DIAPH2: variants seen among roughly 807,000 people sequenced by gnomAD.
DIAPH2 encodes protein diaphanous homolog 2.
DIAPH2 carries 35 observed loss-of-function variants against 92.7 expected under a neutral mutation model. That is an observed-to-expected ratio of 0.38 (90% confidence interval 0.29 to 0.50). The LOEUF (loss-of-function observed/expected upper bound fraction) is 0.50. DIAPH2 is among the 20% of genes least tolerant of loss of function. DIAPH2 has a pLI of 0.94. For synonymous variants in DIAPH2, 301 were observed against 280.4 expected (o/e 1.07, Z -0.73); for missense variants, 701 against 819.5 (o/e 0.86, Z 1.77).
chrX:97,099,488 C>T (rs2066892215), intron 19 of DIAPH2, among the ~76,000 whole-genome samples: 1 of 111,321 alleles, frequency 9.0e-6, no homozygotes, highest in South Asian at 3.7e-4. Context: ...AAAAACCAAA[C>T]AAGTTTATAC....
chrX:97,282,325 G>T (rs769764169), intron 23 of DIAPH2, among the ~76,000 whole-genome samples: 5 of 111,438 alleles, frequency 4.5e-5, no homozygotes, highest in Non-Finnish European at 7.5e-5. Flanking sequence ...ACGGAGTTTC[G>T]CACTGTCGCT....
chrX:97,134,286 A>T (rs910836089), intron 21 of DIAPH2, among the ~76,000 whole-genome samples: 26 of 111,746 alleles, frequency 2.3e-4, no homozygotes, highest in African/African-American at 6.5e-4. Flanking sequence ...CACTTAGAGC[A>T]ATTCTGTCCT....
At chrX:97,440,848 G>C (rs756119374) in intron 26 of DIAPH2, among the ~76,000 whole-genome samples, 2 of 110,360 alleles carry the variant, frequency 1.8e-5, no homozygotes, top group South Asian at 3.9e-4. Flanking sequence ...GGGTAGGAGG[G>C]GGGTGAGAGA....
chrX:96,994,272 C>T (rs2066090448), intron 17 of DIAPH2, among the ~76,000 whole-genome samples: 1 of 111,637 alleles, frequency 9.0e-6, no homozygotes, highest in Non-Finnish European at 1.9e-5. Flanking sequence ...ACATATTAAA[C>T]TTGGGGAAGT....
intron 24 of DIAPH2, among the ~76,000 whole-genome samples, chrX:97,355,006 C>A (rs2069251929): frequency 8.9e-6 from 1 of 112,306 alleles, no homozygotes; most frequent in Admixed American, 9.4e-5. Flanking sequence ...CCACTGAGTT[C>A]ACTCTTACGT....
intron 23 of DIAPH2, among the ~76,000 whole-genome samples, chrX:97,278,649 G>C (rs1274029234): frequency 8.0e-5 from 9 of 112,088 alleles, no homozygotes; most frequent in Non-Finnish European, 1.3e-4. Flanking sequence ...GAGGCTTGAT[G>C]GTTCATTGCT....
At chrX:97,576,542 G>T (rs1447182405) in intron 26 of DIAPH2, among the ~76,000 whole-genome samples, 4 of 111,319 alleles carry the variant, frequency 3.6e-5, no homozygotes, top group Non-Finnish European at 7.5e-5. Flanking sequence ...AGTGTCATGT[G>T]CTACAGAGAG....
chrX:97,285,886 T>C (rs2068537865), intron 23 of DIAPH2, among the ~76,000 whole-genome samples: 1 of 108,551 alleles, frequency 9.2e-6, no homozygotes, highest in Admixed American at 9.9e-5. Flanking sequence ...CGTGAGCCAC[T>C]GTGCCCAGCC....
At chrX:97,304,236 A>T (rs185850211) in intron 23 of DIAPH2, among the ~76,000 whole-genome samples, 410 of 112,291 alleles carry the variant, frequency 3.7e-3, no homozygotes, top group Non-Finnish European at 5.6e-3. Flanking sequence ...AGATCATGTC[A>T]TCCAGTTATA....
In DIAPH2 at chrX:96,884,057, G is replaced by T. The variant is rs1294993120; in HGVS notation, c.587+2339G>T. On this transcript the variant is annotated intron_variant, in intron 5 of 26. Transcript: ENST00000324765. The stretch of plus-strand genomic sequence containing the variant: ...AATGTAGCAACCACTGACACACAGG[G>T]AAGGATTATGCGATCAGGTGAGAAG... 2.0e-4 allele frequency: 65 copies of T among 325,448 alleles called. 1 individual carries two copies. The highest frequency in any genetic ancestry group is 3.1e-4 in the Non-Finnish European group (59 of 188,070). The allele number at this position is 325,448 out of a possible 1,213,427, so 26.8% of individuals were successfully genotyped here.
At chrX:96,687,508 T>C (rs1430895872) in intron 1 of DIAPH2, among the ~76,000 whole-genome samples, 1 of 109,443 alleles carries the variant, frequency 9.1e-6, no homozygotes, top group East Asian at 2.9e-4. Context: ...GGCGCGATCT[T>C]GGCTCACTGC....
chrX:96,928,477 A>G (rs2097661500), intron 9 of DIAPH2, among the ~76,000 whole-genome samples: 1 of 111,308 alleles, frequency 9.0e-6, no homozygotes, highest in Non-Finnish European at 1.9e-5. Context: ...TCAGTTTTGA[A>G]TTTGAGATAT....
At chrX:97,411,873 C>T (rs1254931594) in intron 25 of DIAPH2, among the ~76,000 whole-genome samples, 6 of 111,721 alleles carry the variant, frequency 5.4e-5, no homozygotes, top group Non-Finnish European at 7.5e-5. Flanking sequence ...TATATATGCA[C>T]CCAATACAGG....
chrX:97,143,385 T>G (rs2067221325), intron 22 of DIAPH2, among the ~76,000 whole-genome samples: 1 of 110,926 alleles, frequency 9.0e-6, no homozygotes, highest in South Asian at 3.7e-4. Context: ...AATTTTTTTC[T>G]AAGTTTTCTT....
At position 97,075,119 on chromosome X, in the gene DIAPH2, A is replaced by C. The variant is rs760678251; in HGVS notation, c.2153-48A>C. The C allele has an allele frequency of 3.5e-6, 3 of 849,746 alleles. No homozygotes were observed. The South Asian group carries it at 6.8e-5, about 19-fold the overall frequency. The allele number at this position is 849,746 out of a possible 1,213,427, so 70.0% of individuals were successfully genotyped here. On this transcript the variant is annotated intron_variant, in intron 18 of 26. Coordinates refer to ENST00000324765, the MANE Select transcript of DIAPH2 (RefSeq NM_006729.5). ...AAAATCAGACGTTTATTAGGACTTT[A>C]ACATGTTGATGCTGTTATACTTTTA...
chrX:96,981,716 T>A (rs1164749421), intron 17 of DIAPH2, among the ~76,000 whole-genome samples: 1 of 111,771 alleles, frequency 8.9e-6, no homozygotes, highest in Admixed American at 9.5e-5. Flanking sequence ...CTTTGCTGTG[T>A]TTACGACATA....
chrX:97,548,461 A>T (rs1049353947), intron 26 of DIAPH2, among the ~76,000 whole-genome samples: 2 of 111,886 alleles, frequency 1.8e-5, no homozygotes, highest in Non-Finnish European at 3.8e-5. Flanking sequence ...AAAGAATGGC[A>T]TGTCAGGAGG....
At chrX:97,550,280 A>T (rs1183763284) in intron 26 of DIAPH2, among the ~76,000 whole-genome samples, 2 of 111,832 alleles carry the variant, frequency 1.8e-5, no homozygotes, top group Non-Finnish European at 3.8e-5. Context: ...AATCACTTGA[A>T]CCCAGGAGGC....
intron 17 of DIAPH2, among the ~76,000 whole-genome samples, chrX:96,979,656 A>T (rs1248100866): frequency 8.9e-6 from 1 of 112,163 alleles, no homozygotes; most frequent in Non-Finnish European, 1.9e-5. Flanking sequence ...TCTGTTTACT[A>T]TTGTTTTCTC....
Sources: allele counts gnomAD v4.1 joint callset (sites outside exome capture counted in the v4.1 genomes callset), GRCh38; gene constraint gnomAD v4.1.1; transcripts MANE v1.5; gene names NCBI Gene and HGNC (gene_info 2026-07-23, HGNC 2026-07-21).